The following CDH18 variants were observed in gnomAD, a reference collection of about 807,000 sequenced individuals.
CDH18 encodes the protein cadherin-18.
Under a neutral mutation model 67.9 loss-of-function variants are expected in CDH18, and 31 were observed. That is an observed-to-expected ratio of 0.46 (90% CI 0.34 to 0.62). The LOEUF (loss-of-function observed/expected upper bound fraction) is 0.62. Among genes scored for constraint, CDH18 ranks in the 20% least tolerant of loss-of-function variants. The probability of loss-of-function intolerance (pLI) is 0.01; values close to 1 mark genes in which losing one functional copy is unlikely to be tolerated. For missense variants in CDH18, 890 were observed against 975.5 expected (o/e 0.91, Z 1.17); for synonymous variants, 362 against 347.2 (o/e 1.04, Z -0.48).
At chr5:20,145,826 G>T (rs1750600580) in intron 2 of CDH18, among the ~76,000 whole-genome samples, 1 of 152,014 alleles carries the variant, frequency 6.6e-6, no homozygotes, top group African/African-American at 2.4e-5. Context: ...TATACCATCT[G>T]GAGTGAACTT....
At position 19,641,188 on chromosome 5, in the gene CDH18, T is replaced by C. The variant is rs919169414; in HGVS notation, c.644-28587A>G. Reference sequence around the variant, plus strand: ...AATTGATCAATAACAAATGAGGAAATTGAATTTTTAAAAAGCCCAACAAAC... The same window carrying C: ...AATTGATCAATAACAAATGAGGAAACTGAATTTTTAAAAAGCCCAACAAAC... On this transcript the variant is annotated intron_variant, in intron 5 of 12. Coordinates refer to ENST00000382275, the MANE Select transcript of CDH18 (RefSeq NM_004934.5). Among the ~76,000 whole-genome samples, 16 of 145,194 alleles carry C rather than the reference T, an allele frequency of 1.1e-4. No homozygotes were observed. The East Asian group carries it at 1.2e-3, about 11-fold the overall frequency.
chr5:19,811,136 AAGAAAGAAAGAAAGAAAGAAAGAAGG>A (rs879731667), intron 3 of CDH18, among the ~76,000 whole-genome samples: 2,347 of 128,584 alleles, frequency 0.018, 69 homozygotes, highest in Middle Eastern at 0.024. Context: ...GAAAGAAAGA[AAGAAAGAAAGAAAGAAAGAAAGAAGG>A]AGAGAAAGAA....
chr5:19,811,153 AG>A (rs1778679005), intron 3 of CDH18, among the ~76,000 whole-genome samples: 2 of 50,386 alleles, frequency 4.0e-5, no homozygotes, highest in Non-Finnish European at 8.0e-5. Flanking sequence ...AAAGAAAGAA[AG>A]AAAGAAGGAG....
At chr5:20,440,858 G>A (rs987618074) in intron 1 of CDH18, among the ~76,000 whole-genome samples, 3 of 151,986 alleles carry the variant, frequency 2.0e-5, no homozygotes, top group Admixed American at 6.5e-5. Flanking sequence ...TGAGTTTTGG[G>A]AAATCATACA....
At chr5:20,231,578 C>A (rs990529155) in intron 2 of CDH18, among the ~76,000 whole-genome samples, 2 of 148,894 alleles carry the variant, frequency 1.3e-5, no homozygotes, top group Admixed American at 1.4e-4. Context: ...CCAGCCTGGG[C>A]AACAAGAGTG....
intron 1 of CDH18, among the ~76,000 whole-genome samples, chr5:20,283,088 C>T (rs1175359780): frequency 1.3e-5 from 2 of 151,854 alleles, no homozygotes; most frequent in South Asian, 2.1e-4. Flanking sequence ...AAACTAGACC[C>T]CTGCTTCTTG....
intron 2 of CDH18, among the ~76,000 whole-genome samples, chr5:20,158,489 G>C (rs750299592): frequency 6.6e-6 from 1 of 151,862 alleles, no homozygotes; most frequent in African/African-American, 2.4e-5. Flanking sequence ...CAGTAAAATA[G>C]CTTATTACAT....
intron 2 of CDH18, among the ~76,000 whole-genome samples, chr5:20,145,234 T>C: frequency 6.6e-6 from 1 of 152,330 alleles, no homozygotes; most frequent in South Asian, 2.1e-4. Flanking sequence ...GAGATACCTA[T>C]ACATTGATGA....
chr5:20,071,276 G>T (rs777826662), intron 2 of CDH18, among the ~76,000 whole-genome samples: 1 of 152,028 alleles, frequency 6.6e-6, no homozygotes, highest in Non-Finnish European at 1.5e-5. Flanking sequence ...CTTAGCTAAA[G>T]ATTTAATTTC....
intron 2 of CDH18, among the ~76,000 whole-genome samples, chr5:19,910,472 T>C (rs1791010011): frequency 2.0e-5 from 3 of 152,222 alleles, no homozygotes; most frequent in Non-Finnish European, 4.4e-5. Context: ...CTCTATTCAG[T>C]TGTACCCTTA....
intron 1 of CDH18, among the ~76,000 whole-genome samples, chr5:20,419,101 G>A (rs1473109988): frequency 6.6e-6 from 1 of 151,986 alleles, no homozygotes; most frequent in Non-Finnish European, 1.5e-5. Context: ...GAATCAAGGG[G>A]ACTTTCCGGT....
intron 3 of CDH18, among the ~76,000 whole-genome samples, chr5:19,772,962 A>C (rs1773892101): frequency 6.6e-6 from 1 of 152,214 alleles, no homozygotes; most frequent in Admixed American, 6.5e-5. Context: ...TTCTTAAGTA[A>C]ACATCAATAA....
At chr5:20,407,502 A>AAAG (rs1454936013) in intron 1 of CDH18, among the ~76,000 whole-genome samples, 1 of 151,606 alleles carries the variant, frequency 6.6e-6, no homozygotes, top group African/African-American at 2.4e-5. Context: ...ATGAGGAAAA[A>AAAG]AAAAAAAACT....
intron 9 of CDH18, among the ~76,000 whole-genome samples, chr5:19,540,980 A>G (rs894597714): frequency 6.6e-6 from 1 of 151,932 alleles, no homozygotes; most frequent in Non-Finnish European, 1.5e-5. Context: ...TTCTTTTTCT[A>G]TCTCATCAAC....
At chr5:20,390,032 A>T (rs1396589967) in intron 1 of CDH18, among the ~76,000 whole-genome samples, 1 of 152,180 alleles carries the variant, frequency 6.6e-6, no homozygotes, top group Non-Finnish European at 1.5e-5. Context: ...AACCATAAAA[A>T]CCCTAGAAGA....
intron 2 of CDH18, among the ~76,000 whole-genome samples, chr5:20,203,968 AG>A (rs1739672126): frequency 6.6e-6 from 1 of 152,116 alleles, no homozygotes; most frequent in Non-Finnish European, 1.5e-5. Context: ...AAAGAAAAAA[AG>A]AATGAGAGAG....
chr5:19,777,118 A>T (rs1561279160), intron 3 of CDH18, among the ~76,000 whole-genome samples: 1 of 152,090 alleles, frequency 6.6e-6, no homozygotes. Flanking sequence ...TGTCTCTACT[A>T]AAAATACAAA....
At chr5:20,003,304 T>A (rs549041445) in intron 2 of CDH18, among the ~76,000 whole-genome samples, 1 of 152,250 alleles carries the variant, frequency 6.6e-6, no homozygotes, top group African/African-American at 2.4e-5. Flanking sequence ...TGTTTGTGTG[T>A]GTGTGTGTGT....
At chr5:20,381,414 G>T (rs1743895977) in intron 1 of CDH18, among the ~76,000 whole-genome samples, 1 of 152,040 alleles carries the variant, frequency 6.6e-6, no homozygotes, top group Non-Finnish European at 1.5e-5. Flanking sequence ...GGGAGCAGAG[G>T]ATAGAAAGAT....
Sources: allele counts gnomAD v4.1 joint callset (sites outside exome capture counted in the v4.1 genomes callset), GRCh38; gene constraint gnomAD v4.1.1; transcripts MANE v1.5; gene names NCBI Gene and HGNC (gene_info 2026-07-23, HGNC 2026-07-21).